Variants in AKR1D1 observed in about 807,000 individuals in gnomAD.
AKR1D1 encodes the protein aldo-keto reductase family 1 member D1, also known as delta(4)-3-ketosteroid 5-beta-reductase.
Under a neutral mutation model 42.6 loss-of-function variants are expected in AKR1D1, and 32 were observed. The observed-to-expected ratio is 0.75, with a 90% CI of 0.57 to 1.01. The LOEUF (loss-of-function observed/expected upper bound fraction) is 1.01, where lower values mean the gene tolerates loss of function less well. AKR1D1 is among the 50% of genes least tolerant of loss of function. The pLI is 0.00. For missense variants in AKR1D1, 364 were observed against 402.2 expected (o/e 0.91, Z 0.81); for synonymous variants, 123 against 135.5 (o/e 0.91, Z 0.64).
rs1224075273 is a variant in AKR1D1 at position 138,076,611 on chromosome 7, G to T, written c.93G>T (p.Ser31=). 2.5e-6 allele frequency: 4 copies of T among 1,608,540 alleles called. No homozygotes were observed. Among genetic ancestry groups the T allele is most frequent in the Non-Finnish European group, 3.4e-6 (4 of 1,175,832 alleles). The change falls in exon 1 of 9, where the codon TCG becomes TCT. Residue 31 remains serine, a splice_region_variant and synonymous_variant. Transcript: ENST00000242375. ...TTGGTACCTACTCAGAACCTAAATC[G>T]GTAAGCTTATTTTTTCTCTCTTTGC... ...IGLGTYSEPK[S]TPKGACATSV... is the part of the protein sequence containing the mutation.
At chr7:138,090,963 C>G (rs1370027104) in intron 2 of AKR1D1, among the ~76,000 whole-genome samples, 2 of 152,208 alleles carry the variant, frequency 1.3e-5, no homozygotes, top group Non-Finnish European at 2.9e-5. Flanking sequence ...TTCACACCAC[C>G]TGTCACAATG....
intron 4 of AKR1D1, chr7:138,098,274 T>C (rs17543126): frequency 0.1 from 23,007 of 220,764 alleles, 1,399 homozygotes; most frequent in East Asian, 0.17. Context: ...AAGTTGTTAA[T>C]ATGATGCCTA....
intron 3 of AKR1D1, among the ~76,000 whole-genome samples, chr7:138,094,045 TGATA>T (rs748387719): frequency 3.9e-5 from 6 of 152,340 alleles, no homozygotes; most frequent in South Asian, 2.1e-4. Context: ...TTTTTGGACT[TGATA>T]GATAATTTCT....
At chr7:138,080,484 A>C (rs147293145) in intron 1 of AKR1D1, among the ~76,000 whole-genome samples, 91 of 152,306 alleles carry the variant, frequency 6.0e-4, no homozygotes, top group Admixed American at 2.9e-3. Flanking sequence ...AAAATATAAG[A>C]TGTCCAGGTA....
chr7:138,109,031 C>T (rs1391611500), intron 7 of AKR1D1, among the ~76,000 whole-genome samples: 1 of 152,128 alleles, frequency 6.6e-6, no homozygotes, highest in East Asian at 1.9e-4. Context: ...CACACACAGA[C>T]AGATGTTTAT....
intron 4 of AKR1D1, among the ~76,000 whole-genome samples, chr7:138,100,729 G>T (rs918645843): frequency 8.0e-6 from 1 of 125,270 alleles, no homozygotes; most frequent in Non-Finnish European, 1.6e-5. Flanking sequence ...TTTTGAGGCG[G>T]AGTCTCGCTC....
At chr7:138,085,054 C>CAA (rs58253168) in intron 1 of AKR1D1, among the ~76,000 whole-genome samples, 5,035 of 70,678 alleles carry the variant, frequency 0.071, 710 homozygotes, top group African/African-American at 0.17. Context: ...GACTCCGTCT[C>CAA]AAAAAAAAAA....
chr7:138,107,235 C>A (rs2117463816), intron 6 of AKR1D1, 180 bp from the exon 7 acceptor site: 1 of 779,830 alleles, frequency 1.3e-6, no homozygotes, highest in Non-Finnish European at 2.3e-6. Flanking sequence ...TTGATCTTCC[C>A]ATACTACGAG....
intron 7 of AKR1D1, among the ~76,000 whole-genome samples, chr7:138,110,626 G>A (rs370455000): frequency 2.6e-5 from 4 of 151,826 alleles, no homozygotes; most frequent in Admixed American, 1.3e-4. Flanking sequence ...GGTCATGGGC[G>A]CCTGTAATCC....
At chr7:138,084,659 C>G (rs1030985010) in intron 1 of AKR1D1, among the ~76,000 whole-genome samples, 1 of 152,078 alleles carries the variant, frequency 6.6e-6, no homozygotes, top group African/African-American at 2.4e-5. Context: ...CCTATCATAT[C>G]ATTTATGTGG....
At chr7:138,079,507 A>G (rs1585717515) in intron 1 of AKR1D1, among the ~76,000 whole-genome samples, 1 of 152,244 alleles carries the variant, frequency 6.6e-6, no homozygotes, top group East Asian at 1.9e-4. Context: ...ACATCACACT[A>G]CAAGAGGGTG....
intron 7 of AKR1D1, among the ~76,000 whole-genome samples, chr7:138,108,785 TAAAG>T (rs1306921885): frequency 2.0e-5 from 3 of 152,180 alleles, no homozygotes; most frequent in Non-Finnish European, 4.4e-5. Flanking sequence ...TTGAAAAACA[TAAAG>T]AGAGTGCATC....
intron 7 of AKR1D1, among the ~76,000 whole-genome samples, chr7:138,108,850 T>C (rs1016072893): frequency 2.0e-5 from 3 of 152,238 alleles, no homozygotes; most frequent in African/African-American, 7.2e-5. Context: ...ATGCATTTGT[T>C]AATTAGCTAG....
intron 7 of AKR1D1, among the ~76,000 whole-genome samples, chr7:138,111,357 C>G (rs1456122552): frequency 6.6e-6 from 1 of 152,188 alleles, no homozygotes; most frequent in Non-Finnish European, 1.5e-5. Flanking sequence ...TCCCTTCCCC[C>G]ACTATCTCTT....
chr7:138,079,535 A>G (rs1803009834), intron 1 of AKR1D1, among the ~76,000 whole-genome samples: 1 of 152,240 alleles, frequency 6.6e-6, no homozygotes, highest in African/African-American at 2.4e-5. Context: ...GTCCTCCAGT[A>G]CAGCCAATCA....
chr7:138,103,486 T>A (rs1395823448), intron 4 of AKR1D1, among the ~76,000 whole-genome samples: 1 of 152,018 alleles, frequency 6.6e-6, no homozygotes, highest in African/African-American at 2.4e-5. Flanking sequence ...TGGGATAAAT[T>A]GAAATAAATC....
intron 4 of AKR1D1, among the ~76,000 whole-genome samples, chr7:138,100,111 A>AAAAC (rs1794264462): frequency 2.4e-5 from 3 of 127,600 alleles, no homozygotes; most frequent in Admixed American, 7.9e-5. Flanking sequence ...AAAAAAAAAA[A>AAAAC]AAAAAAACAT....
chr7:138,102,376 T>C (rs942325781), intron 4 of AKR1D1, among the ~76,000 whole-genome samples: 8 of 151,992 alleles, frequency 5.3e-5, no homozygotes, highest in Admixed American at 4.6e-4. Flanking sequence ...AAGACCAGCA[T>C]GGGGAACACT....
At chr7:138,080,851 C>A (rs1025228404) in intron 1 of AKR1D1, among the ~76,000 whole-genome samples, 11 of 152,144 alleles carry the variant, frequency 7.2e-5, no homozygotes, top group African/African-American at 2.7e-4. Flanking sequence ...AACTCCTAGG[C>A]TCAAGCAATC....
Sources: gnomAD v4.1 joint callset for allele counts (sites outside exome capture counted in the v4.1 genomes callset) on GRCh38, gnomAD v4.1.1 for gene constraint, MANE v1.5 for transcripts, NCBI Gene and HGNC (gene_info 2026-07-23, HGNC 2026-07-21) for gene names.